Variants in PARVB observed in about 807,000 individuals in gnomAD.
PARVB encodes parvin beta, also known as beta-parvin.
A neutral mutation model predicts 47.0 loss-of-function variants in PARVB; 46 were observed. That is an observed-to-expected ratio of 0.98 (90% confidence interval 0.77 to 1.25). PARVB has a LOEUF of 1.25. Ranked by LOEUF, PARVB falls within the 50% of genes most tolerant of loss-of-function variation. The pLI is 0.00. For missense variants in PARVB, 473 were observed against 471.6 expected (o/e 1.00, Z -0.03); for synonymous variants, 196 against 196.3 (o/e 1.00, Z 0.01).
intron 2 of PARVB, among the ~76,000 whole-genome samples, chr22:44,015,419 C>T (rs950671561): frequency 5.3e-5 from 8 of 152,190 alleles, no homozygotes; most frequent in Non-Finnish European, 8.8e-5. Context: ...TGGGGCCAGG[C>T]GTACCCAACA....
chr22:44,058,324 C>G (rs1232605512), intron 1 of PARVB, among the ~76,000 whole-genome samples: 1 of 152,060 alleles, frequency 6.6e-6, no homozygotes, highest in Non-Finnish European at 1.5e-5. Context: ...GTGGCCATGT[C>G]ACTCCAGTCA....
At chr22:44,147,312 G>A in intron 8 of PARVB, 1 of 236,306 alleles carries the variant, frequency 4.2e-6, no homozygotes, top group Non-Finnish European at 8.6e-6. Flanking sequence ...GGAGTGGAGG[G>A]GGGAAACAAA....
intron 4 of PARVB, among the ~76,000 whole-genome samples, chr22:44,129,284 G>A (rs1023928617): frequency 1.2e-4 from 19 of 152,146 alleles, no homozygotes; most frequent in African/African-American, 2.7e-4. Flanking sequence ...CTACCCTGCC[G>A]GTGCCTTGAT....
At position 44,052,149 on chromosome 22, in the gene PARVB, T is replaced by C. The variant is rs115293381; in HGVS notation, c.112+27698T>C. Among the ~76,000 whole-genome samples, 1,471 of 152,358 alleles carry C rather than the reference T, an allele frequency of 9.7e-3. 41 individuals carry two copies. Among genetic ancestry groups the C allele is most frequent in the African/African-American group, 0.033 (1,371 of 41,586 alleles). ...CCACAGGATGCGAATACAGTCACCA[T>C]CTGGCCTTTGATCTTCTAATTGCCT... On this transcript the variant is annotated intron_variant, in intron 1 of 12. Coordinates refer to ENST00000338758, the MANE Select transcript of PARVB (RefSeq NM_013327.5).
At chr22:44,040,009 A>G (rs928086258) in intron 1 of PARVB, 23 of 340,930 alleles carry the variant, frequency 6.7e-5, no homozygotes, top group Non-Finnish European at 1.3e-4. Context: ...TCTACAGCAG[A>G]CAGAGCTAAT....
chr22:44,011,258 C>T (rs1408739380), intron 2 of PARVB, among the ~76,000 whole-genome samples: 1 of 152,076 alleles, frequency 6.6e-6, no homozygotes, highest in East Asian at 1.9e-4. Flanking sequence ...AAGGTGGGAG[C>T]TGCACGCACC....
At chr22:44,127,282 G>A (rs133911) in intron 4 of PARVB, among the ~76,000 whole-genome samples, 109,233 of 151,872 alleles carry the variant, frequency 0.72, 39,372 homozygotes, top group East Asian at 0.8. Context: ...AAAAAGAACA[G>A]TGGACTAGAA....
At chr22:44,009,378 T>G (rs1023740649) in intron 2 of PARVB, 1 of 152,228 alleles carries the variant, frequency 6.6e-6, no homozygotes, top group African/African-American at 2.4e-5. Context: ...GTATTCATTT[T>G]CTCAATCAAA....
chr22:44,021,600 G>A (rs1325205040), upstream of PARVB, among the ~76,000 whole-genome samples: 2 of 152,100 alleles, frequency 1.3e-5, no homozygotes, highest in African/African-American at 4.8e-5. Flanking sequence ...AGTCACTGAG[G>A]AAATAACAAG....
intron 3 of PARVB, chr22:44,107,668 A>G (rs1601611100): frequency 6.6e-6 from 1 of 152,108 alleles, no homozygotes; most frequent in Admixed American, 6.5e-5. Context: ...GAATCAAATC[A>G]CCAATAGCCA....
intron 7 of PARVB, chr22:44,139,361 C>A (rs1366469733): frequency 1.3e-5 from 2 of 152,734 alleles, no homozygotes; most frequent in Non-Finnish European, 2.9e-5. Context: ...CGCCATGACA[C>A]CCAGCTAATT....
intron 10 of PARVB, 143 bp from the exon 11 acceptor site, chr22:44,157,839 G>C (rs545133340): frequency 3.3e-6 from 2 of 604,818 alleles, no homozygotes; most frequent in Admixed American, 5.4e-5. Context: ...GCTGCAGTGA[G>C]CCTTGATTGC....
chr22:44,166,054 G>A (rs1195874212), intron 12 of PARVB, among the ~76,000 whole-genome samples: 1 of 152,206 alleles, frequency 6.6e-6, no homozygotes, highest in Non-Finnish European at 1.5e-5. Context: ...AAGAGCCCCT[G>A]GTGGCCCTTT....
chr22:44,167,884 G>A (rs1393540358), intron 12 of PARVB: 2 of 152,424 alleles, frequency 1.3e-5, no homozygotes, highest in Non-Finnish European at 2.9e-5. Context: ...AGGCTCTGAT[G>A]AGGGTGTGTG....
At position 44,044,191 on chromosome 22, in the gene PARVB, G is replaced by GTT. The variant is rs776354860; in HGVS notation, c.112+19756_112+19757dup. 1.1e-3 allele frequency among the ~76,000 whole-genome samples: 149 copies of GTT among 134,976 alleles called. 2 individuals carry two copies. Among genetic ancestry groups the GTT allele is most frequent in the African/African-American group, 3.2e-3 (118 of 36,658 alleles). The allele number at this position is 134,976 out of a possible 152,430, so 88.5% of individuals were successfully genotyped here. A position where few individuals can be genotyped will look rare whatever the true frequency, so the allele number is the denominator to read the frequency against. On this transcript the variant is annotated intron_variant, in intron 1 of 12. Transcript: ENST00000338758. ...AACTGAGACAGCAGCATTTTTTGTG[G>GTT]TTTTTTTTTTTTTTTTTGAGATGGA...
At chr22:44,166,560 C>T (rs575477870) in intron 12 of PARVB, among the ~76,000 whole-genome samples, 68 of 152,356 alleles carry the variant, frequency 4.5e-4, no homozygotes, top group Admixed American at 3.9e-3. Context: ...GAACCCACCA[C>T]GGACGTGTGG....
At chr22:44,013,138 TC>T (rs1319630286) in intron 2 of PARVB, among the ~76,000 whole-genome samples, 2 of 152,176 alleles carry the variant, frequency 1.3e-5, no homozygotes, top group African/African-American at 4.8e-5. Flanking sequence ...CTTCAGGTGA[TC>T]CGTCTGCCTC....
intron 1 of PARVB, among the ~76,000 whole-genome samples, chr22:44,072,690 C>T (rs1192969842): frequency 6.6e-6 from 1 of 152,182 alleles, no homozygotes; most frequent in Non-Finnish European, 1.5e-5. Context: ...CATCCACCCA[C>T]CTTGGCCTCC....
At chr22:44,021,957 C>G (rs1348688784), upstream of PARVB, among the ~76,000 whole-genome samples, 1 of 152,094 alleles carries the variant, frequency 6.6e-6, no homozygotes, top group Non-Finnish European at 1.5e-5. Context: ...GGAAATGAAC[C>G]TAGCCTACAC....
Sources: gnomAD v4.1 joint callset for allele counts (sites outside exome capture counted in the v4.1 genomes callset) on GRCh38, gnomAD v4.1.1 for gene constraint, MANE v1.5 for transcripts, NCBI Gene and HGNC (gene_info 2026-07-23, HGNC 2026-07-21) for gene names.